The following LRBA variants were observed in gnomAD, a reference collection of about 807,000 sequenced individuals.
LRBA encodes the protein lipopolysaccharide-responsive and beige-like anchor protein.
LRBA carries 176 observed loss-of-function variants against 330.0 expected under a neutral mutation model. The observed-to-expected ratio is 0.53, with a 90% CI of 0.47 to 0.60. The LOEUF (loss-of-function observed/expected upper bound fraction) is 0.60, where lower values mean the gene tolerates loss of function less well. LRBA is among the 20% of genes least tolerant of loss of function. LRBA has a pLI of 0.00. For synonymous variants in LRBA, 1,230 were observed against 1,193.0 expected, an observed-to-expected ratio of 1.03 and a Z score of -0.64; for missense variants, 3,259 against 3,444.8, an observed-to-expected ratio of 0.95 and a Z score of 1.35.
At chr4:150,868,007 C>T in intron 21 of LRBA, 144 bp from the exon 22 acceptor site, 2 of 888,408 alleles carry the variant, frequency 2.3e-6, no homozygotes, top group Non-Finnish European at 3.3e-6. Flanking sequence ...AACAATTCGA[C>T]AATGTGGTAC....
intron 46 of LRBA, chr4:150,422,990 T>C (rs1322305063): frequency 5.1e-6 from 4 of 782,090 alleles, no homozygotes; most frequent in Admixed American, 3.4e-5. Flanking sequence ...TCCAATGGTG[T>C]ATAAGTGACA....
At chr4:150,659,704 G>A (rs1371376734) in intron 37 of LRBA, among the ~76,000 whole-genome samples, 8 of 4,384 alleles carry the variant, frequency 1.8e-3, no homozygotes, top group African/African-American at 1.7e-3. Flanking sequence ...CCGGCCAGCC[G>A]TGCCATCCGG....
At chr4:150,409,818 TC>T (rs1746705724) in intron 47 of LRBA, among the ~76,000 whole-genome samples, 1 of 152,142 alleles carries the variant, frequency 6.6e-6, no homozygotes, top group African/African-American at 2.4e-5. Flanking sequence ...AAATTACATA[TC>T]ACGGCTAAAA....
intron 2 of LRBA, among the ~76,000 whole-genome samples, chr4:150,980,618 T>C (rs2149603422): frequency 6.6e-6 from 1 of 152,072 alleles, no homozygotes; most frequent in African/African-American, 2.4e-5. Context: ...CCACTGCACT[T>C]GGGTGACAGA....
At chr4:150,939,349 T>C (rs923002195) in intron 2 of LRBA, among the ~76,000 whole-genome samples, 2 of 152,220 alleles carry the variant, frequency 1.3e-5, no homozygotes, top group African/African-American at 4.8e-5. Flanking sequence ...GCTCGACACA[T>C]GTACACAGAG....
rs1579169821 is a variant in LRBA at position 150,908,932 on chromosome 4, C to CT, written c.1162-76dup. On this transcript the variant is annotated intron_variant, in intron 9 of 56. Coordinates refer to ENST00000651943, the MANE Select transcript of LRBA (RefSeq NM_001364905.1). ...AGTACAAATCAACACAGGTGTAAAA[C>CT]TTTAAGGAGACAGACCATTGATAAT... 4.2e-6 allele frequency: 4 copies of CT among 946,794 alleles called. No homozygotes were observed. In the East Asian group the frequency reaches 1.0e-4, roughly 24 times the overall value. 58.6% of individuals were successfully genotyped at this position (946,794 alleles called of 1,614,324 possible).
chr4:150,998,029 T>G (rs1295653429), intron 2 of LRBA, among the ~76,000 whole-genome samples: 1 of 151,924 alleles, frequency 6.6e-6, no homozygotes, highest in African/African-American at 2.4e-5. Flanking sequence ...GTAAAAGCTA[T>G]GAAAACTCTT....
chr4:150,964,271 C>A (rs535055685), intron 2 of LRBA, among the ~76,000 whole-genome samples: 2 of 149,256 alleles, frequency 1.3e-5, no homozygotes, highest in South Asian at 4.2e-4. Flanking sequence ...CCAGCAGCCC[C>A]GTCTGGGAAG....
intron 34 of LRBA, among the ~76,000 whole-genome samples, chr4:150,781,373 G>A (rs1256040951): frequency 6.6e-6 from 1 of 152,208 alleles, no homozygotes; most frequent in Admixed American, 6.5e-5. Context: ...TCAGCTGCAC[G>A]CACAGTTCAC....
intron 47 of LRBA, among the ~76,000 whole-genome samples, chr4:150,398,894 C>T (rs185312347): frequency 4.7e-4 from 71 of 152,196 alleles, no homozygotes; most frequent in African/African-American, 1.6e-3. Context: ...CCCAGAGTGC[C>T]GGGATTTACA....
chr4:150,425,403 G>T (rs1443936463), intron 46 of LRBA, among the ~76,000 whole-genome samples: 5 of 152,180 alleles, frequency 3.3e-5, no homozygotes, highest in Admixed American at 6.5e-5. Context: ...TAATTAGGTA[G>T]ATGGGTCTTA....
chr4:150,733,865 C>A (rs1253427403), intron 36 of LRBA, among the ~76,000 whole-genome samples: 2 of 152,206 alleles, frequency 1.3e-5, no homozygotes, highest in East Asian at 3.9e-4. Context: ...CTTATTAACT[C>A]TGGTAGAAAA....
At chr4:150,618,887 C>CAT (rs563506189) in intron 37 of LRBA, among the ~76,000 whole-genome samples, 60 of 149,608 alleles carry the variant, frequency 4.0e-4, no homozygotes, top group African/African-American at 1.2e-3. Flanking sequence ...CATACACACA[C>CAT]ATATATATAT....
In LRBA at chr4:150,870,529, G is replaced by T; in HGVS notation, c.2445C>A (p.Asn815Lys). 1 of 1,559,518 alleles carries T rather than the reference G, an allele frequency of 6.4e-7. No individual in the cohort carries two copies. Among genetic ancestry groups the T allele is most frequent in the Non-Finnish European group, 8.8e-7 (1 of 1,131,380 alleles). Residue 815 changes from asparagine to lysine, a missense_variant, in exon 20 of 57, where the codon AAC becomes AAA. Transcript: ENST00000651943. Reference protein sequence around the residue: ...PDPDSSVKIQNPQILKVIATL... With the variant: ...PDPDSSVKIQKPQILKVIATL... ...TAAAGTATATAAAATACATACGAGG[G>T]TTTTGTATCTTCACTGAAGAATCAG... is the stretch of plus-strand genomic sequence containing the variant.
intron 16 of LRBA, among the ~76,000 whole-genome samples, chr4:150,895,230 T>C (rs1579123717): frequency 6.6e-6 from 1 of 152,150 alleles, no homozygotes; most frequent in East Asian, 1.9e-4. Flanking sequence ...TATATTGCAT[T>C]TTCCTGGTGC....
chr4:150,455,230 T>C (rs1399325311), intron 44 of LRBA, among the ~76,000 whole-genome samples: 1 of 151,370 alleles, frequency 6.6e-6, no homozygotes, highest in South Asian at 2.1e-4. Context: ...TGGTGTTTGG[T>C]TTTTTGTTCT....
At chr4:151,015,341 CCT>C (rs747666583), upstream of LRBA, 8 of 152,422 alleles carry the variant, frequency 5.2e-5, no homozygotes, top group Non-Finnish European at 5.9e-5. Context: ...GAGTGAAGCA[CCT>C]CTCTCAGGCA....
intron 37 of LRBA, among the ~76,000 whole-genome samples, chr4:150,605,146 A>C (rs1358153699): frequency 6.6e-6 from 1 of 152,206 alleles, no homozygotes; most frequent in Non-Finnish European, 1.5e-5. Context: ...TTTCCAGAAC[A>C]ATGTTAATTA....
At chr4:150,672,965 G>A (rs1782199738) in intron 37 of LRBA, among the ~76,000 whole-genome samples, 1 of 152,170 alleles carries the variant, frequency 6.6e-6, no homozygotes, top group South Asian at 2.1e-4. Flanking sequence ...AAGACCCTTG[G>A]AATGACGAAC....
Sources: allele counts gnomAD v4.1 joint callset (sites outside exome capture counted in the v4.1 genomes callset), GRCh38; gene constraint gnomAD v4.1.1; transcripts MANE v1.5; gene names NCBI Gene and HGNC (gene_info 2026-07-23, HGNC 2026-07-21).